The following TARS3 variants were observed in gnomAD, a reference collection of about 807,000 sequenced individuals.
TARS3 encodes threonine--tRNA ligase 2, cytoplasmic.
In TARS3, 94 loss-of-function variants were observed where a neutral mutation model predicts 103.5. That is an observed-to-expected ratio of 0.91 (90% confidence interval 0.77 to 1.08). The LOEUF is 1.08. Ranked by LOEUF, TARS3 falls within the 50% of genes least tolerant of loss-of-function variation. The probability of loss-of-function intolerance (pLI) is 0.00; values close to 1 mark genes in which losing one functional copy is unlikely to be tolerated. For synonymous variants in TARS3, 416 were observed against 355.4 expected (o/e 1.17, Z -1.92); for missense variants, 952 against 995.2 (o/e 0.96, Z 0.58).
chr15:101,702,079 G>T (rs1238876948), intron 9 of TARS3, among the ~76,000 whole-genome samples, 160 bp downstream of exon 9: 1 of 152,156 alleles, frequency 6.6e-6, no homozygotes, highest in Non-Finnish European at 1.5e-5. Context: ...AGACATCTGG[G>T]GTATTAAAAT....
At chr15:101,710,959 G>T (rs1363822133) in intron 5 of TARS3, among the ~76,000 whole-genome samples, 1 of 152,146 alleles carries the variant, frequency 6.6e-6, no homozygotes, top group Non-Finnish European at 1.5e-5. Context: ...GGTACCCTAG[G>T]AGCTATGAGG....
intron 15 of TARS3, among the ~76,000 whole-genome samples, chr15:101,663,363 T>C (rs1202136214): frequency 2.0e-5 from 3 of 152,230 alleles, no homozygotes; most frequent in Non-Finnish European, 1.5e-5. Context: ...TACAGTAACA[T>C]TCTGCACAGG....
chr15:101,664,220 C>T (rs1048411610), intron 15 of TARS3: 10 of 152,518 alleles, frequency 6.6e-5, no homozygotes, highest in Non-Finnish European at 1.5e-4. Flanking sequence ...CGCCATTTGC[C>T]ACACAACACC....
In TARS3 at chr15:101,714,943, G is replaced by A. The variant is rs148053074; in HGVS notation, c.587C>T (p.Thr196Met). The part of the protein sequence containing the change: ...AEISQELAES[T>M]VIAKVNGELW... ...TTCACCATTGACTTTGGCTATTACC[G>A]TGCTTTCAGCCAGTTCCTGACTAAG... Residue 196 changes from threonine (T) to methionine (M), a missense_variant, in exon 4 of 19, where the codon ACG becomes ATG. Physicochemically the swap from Thr to Met is moderately conservative, Grantham distance 81. Around this residue, in one of 2 missense-constraint regions of TARS3, gnomAD observed 412 missense variants for 364.2 expected, o/e 1.13. Coordinates refer to ENST00000335968, the MANE Select transcript of TARS3 (RefSeq NM_152334.3). 2,141 of 1,609,888 alleles carry A rather than the reference G, an allele frequency of 1.3e-3. 17 individuals carry two copies. The highest frequency in any genetic ancestry group is 8.5e-3 in the South Asian group (767 of 90,456).
chr15:101,670,997 G>GTGAC (rs1441109776), intron 15 of TARS3, among the ~76,000 whole-genome samples: 1 of 152,142 alleles, frequency 6.6e-6, no homozygotes. Flanking sequence ...GGAGGAGTGT[G>GTGAC]TGACTACAAA....
intron 3 of TARS3, among the ~76,000 whole-genome samples, chr15:101,719,627 G>A (rs1346500906): frequency 1.3e-5 from 2 of 152,200 alleles, no homozygotes; most frequent in Non-Finnish European, 2.9e-5. Flanking sequence ...GGATGTAAGT[G>A]GAAACTGAAG....
chr15:101,721,092 T>C (rs1288784475), intron 3 of TARS3, 34 bp downstream of exon 3: 9 of 1,551,492 alleles, frequency 5.8e-6, no homozygotes, highest in Non-Finnish European at 7.9e-6. Flanking sequence ...TATAATTACT[T>C]AAGATTGAAT....
intron 10 of TARS3, among the ~76,000 whole-genome samples, chr15:101,698,827 G>C (rs999256906): frequency 6.6e-6 from 1 of 152,178 alleles, no homozygotes; most frequent in Non-Finnish European, 1.5e-5. Flanking sequence ...ATGAGCCTTG[G>C]AATTATTTGT....
intron 12 of TARS3, among the ~76,000 whole-genome samples, chr15:101,679,049 A>G (rs966294439): frequency 2.0e-5 from 3 of 152,106 alleles, no homozygotes; most frequent in Non-Finnish European, 2.9e-5. Context: ...AAGGTAATGC[A>G]TAATTTCTCT....
chr15:101,661,451 C>G (rs1426846325), intron 16 of TARS3, among the ~76,000 whole-genome samples: 4 of 151,236 alleles, frequency 2.6e-5, no homozygotes, highest in Non-Finnish European at 5.9e-5. Flanking sequence ...ACCGAGTCCC[C>G]CAAAAGGTAA....
intron 13 of TARS3, among the ~76,000 whole-genome samples, chr15:101,673,079 A>G (rs946937360): frequency 5.9e-5 from 9 of 152,128 alleles, no homozygotes; most frequent in African/African-American, 2.2e-4. Context: ...CTTTCAAACC[A>G]TTTCAGACAC....
chr15:101,654,433 A>C lies in TARS3; in HGVS notation c.*149T>G. ...GAGTAAATTAAACTTCGTGCATGTC[A>C]GCTACACGTTCATCGTCTCCTTTCT... On this transcript the variant is annotated 3_prime_UTR_variant, in exon 19 of 19. Coordinates refer to ENST00000335968, the MANE Select transcript of TARS3 (RefSeq NM_152334.3). 1.3e-6 allele frequency: 1 copy of C among 795,918 alleles called. No homozygotes were observed. The highest frequency in any genetic ancestry group is 2.2e-5 in the South Asian group (1 of 45,540). The allele number at this position is 795,918 out of a possible 1,614,324, so 49.3% of individuals were successfully genotyped here.
intron 18 of TARS3, 36 bp from the exon 19 acceptor site, chr15:101,654,766 T>A (rs773801286): frequency 1.0e-5 from 16 of 1,597,714 alleles, no homozygotes; most frequent in Non-Finnish European, 1.3e-5. Flanking sequence ...GTATTTTAAA[T>A]CAGCAATTTA....
chr15:101,695,258 C>T (rs8038261), intron 10 of TARS3, among the ~76,000 whole-genome samples: 73,482 of 151,928 alleles, frequency 0.48, 20,126 homozygotes, highest in Non-Finnish European at 0.63. Context: ...TCCTGACCCC[C>T]TGGAGTCAAT....
intron 15 of TARS3, among the ~76,000 whole-genome samples, chr15:101,666,343 G>C (rs1218799758): frequency 2.0e-5 from 3 of 151,878 alleles, no homozygotes; most frequent in Non-Finnish European, 4.4e-5. Flanking sequence ...AGGCATGGTG[G>C]TGCATGCCTA....
rs1382527661 is a variant in TARS3, at chr15:101,688,801, G to T, written c.1321-2739C>A. On this transcript the variant is annotated intron_variant, in intron 10 of 18. Transcript: ENST00000335968. ...GGAAAGCCAAAACTAAATTGGCAGT[G>T]GGAGAAACCCAGAAGCAAGCTACTT... Among the ~76,000 whole-genome samples, 4 of 152,242 alleles carry T rather than the reference G, an allele frequency of 2.6e-5. No homozygotes were observed. In the East Asian group the frequency reaches 7.7e-4, roughly 29 times the overall value.
chr15:101,689,837 C>T (rs1898633357), intron 10 of TARS3, among the ~76,000 whole-genome samples: 1 of 152,188 alleles, frequency 6.6e-6, no homozygotes, highest in African/African-American at 2.4e-5. Flanking sequence ...AATGCACCCA[C>T]CAAATAAAAC....
intron 3 of TARS3, 94 bp downstream of exon 3, chr15:101,721,032 T>C: frequency 9.9e-7 from 1 of 1,010,508 alleles, no homozygotes; most frequent in African/African-American, 1.6e-5. Flanking sequence ...ATCGTGAGAA[T>C]GGAGTAATAT....
intron 5 of TARS3, among the ~76,000 whole-genome samples, chr15:101,711,503 C>T (rs1055045031): frequency 5.9e-5 from 9 of 152,182 alleles, no homozygotes; most frequent in Non-Finnish European, 1.2e-4. Flanking sequence ...GCCTACTCAA[C>T]GTGAAGATGA....
Sources: allele counts gnomAD v4.1 joint callset (sites outside exome capture counted in the v4.1 genomes callset), GRCh38; gene constraint gnomAD v4.1.1; regional missense constraint gnomAD v4.1.1; transcripts MANE v1.5; gene names NCBI Gene and HGNC (gene_info 2026-07-23, HGNC 2026-07-21).